Variants in KLRG1 observed in about 807,000 individuals in gnomAD.
The protein encoded by KLRG1 is killer cell lectin like receptor G1.
A neutral mutation model predicts 21.8 loss-of-function variants in KLRG1; 16 were observed. That is an observed-to-expected ratio of 0.73 (90% CI 0.50 to 1.11). KLRG1 has a LOEUF of 1.11. Ranked by LOEUF, KLRG1 falls within the 50% of genes most tolerant of loss-of-function variation. The pLI is 0.00. For synonymous variants in KLRG1, 69 were observed against 75.9 expected (o/e 0.91, Z 0.47); for missense variants, 173 against 218.3 (o/e 0.79, Z 1.31).
chr12:9,071,332 T>A, the KLRG1 span, among the ~76,000 whole-genome samples: 2 of 152,174 alleles, frequency 1.3e-5, no homozygotes, highest in African/African-American at 4.8e-5. Context: ...AACAAAACAC[T>A]TAGAAACACC....
chr12:9,011,621 C>A (rs186453622), downstream of KLRG1, among the ~76,000 whole-genome samples: 1 of 152,280 alleles, frequency 6.6e-6, no homozygotes, highest in Admixed American at 6.5e-5. Context: ...ACAAATGGAA[C>A]AATTATCCGC....
the KLRG1 span, among the ~76,000 whole-genome samples, chr12:9,050,515 C>G: frequency 3.3e-5 from 5 of 152,226 alleles, no homozygotes; most frequent in African/African-American, 4.8e-5. Context: ...CAAACCTCAG[C>G]TGCAGACCCA....
chr12:9,129,265 G>A, the KLRG1 span, among the ~76,000 whole-genome samples: 1 of 152,050 alleles, frequency 6.6e-6, no homozygotes, highest in Non-Finnish European at 1.5e-5. Context: ...ATCACTAGTT[G>A]ATGATACATT....
the KLRG1 span, among the ~76,000 whole-genome samples, chr12:9,085,601 G>C: frequency 6.6e-6 from 1 of 151,762 alleles, no homozygotes; most frequent in South Asian, 2.1e-4. Context: ...AGAGAAGTAG[G>C]AAAAGAAGAA....
chr12:9,075,873 G>A, the KLRG1 span, among the ~76,000 whole-genome samples: 1 of 152,252 alleles, frequency 6.6e-6, no homozygotes, highest in Admixed American at 6.5e-5. Context: ...CTATGAGAGA[G>A]TTGTACAGTG....
chr12:9,180,490 ACT>A, the KLRG1 span, among the ~76,000 whole-genome samples: 2 of 152,190 alleles, frequency 1.3e-5, no homozygotes, highest in African/African-American at 4.8e-5. Context: ...CTCAGAAATA[ACT>A]CTGCATATCT....
chr12:9,015,451 A>T (rs1337383832), downstream of KLRG1, among the ~76,000 whole-genome samples: 1 of 152,186 alleles, frequency 6.6e-6, no homozygotes, highest in African/African-American at 2.4e-5. Context: ...ATTCAGCAAG[A>T]GGATATAATA....
At chr12:9,184,166 C>T in the KLRG1 span, among the ~76,000 whole-genome samples, 19 of 152,196 alleles carry the variant, frequency 1.2e-4, no homozygotes, top group Non-Finnish European at 2.5e-4. Context: ...CTTGCCACTG[C>T]TGGCAGCGTG....
chr12:8,995,317 G>A (rs751005570), intron 3 of KLRG1, 29 bp downstream of exon 3: 2 of 1,578,760 alleles, frequency 1.3e-6, no homozygotes, highest in Middle Eastern at 2.0e-4. Context: ...AAAATGTAGG[G>A]TTTTTGTTTT....
the KLRG1 span, among the ~76,000 whole-genome samples, chr12:9,133,794 G>A: frequency 2.6e-5 from 4 of 152,086 alleles, no homozygotes; most frequent in African/African-American, 7.2e-5. Flanking sequence ...AGAGAATCAC[G>A]GTGAAAATAG....
the KLRG1 span, among the ~76,000 whole-genome samples, chr12:9,141,238 A>G: frequency 6.6e-6 from 1 of 152,220 alleles, no homozygotes; most frequent in African/African-American, 2.4e-5. Context: ...CCAATAACAT[A>G]TGTATGCAAA....
At chr12:9,200,534 C>T in the KLRG1 span, 2 of 1,022,066 alleles carry the variant, frequency 2.0e-6, no homozygotes, top group Non-Finnish European at 3.0e-6. Flanking sequence ...TAATTTTTCC[C>T]AAAATAACAC....
chr12:8,988,244 G>C (rs373527022), upstream of KLRG1: 122 of 152,264 alleles, frequency 8.0e-4, 1 homozygote, highest in African/African-American at 2.9e-3. Context: ...TTCTGTTTAG[G>C]ATTCATTTTT....
At chr12:9,111,316 C>T in the KLRG1 span, among the ~76,000 whole-genome samples, 4 of 151,984 alleles carry the variant, frequency 2.6e-5, no homozygotes, top group Non-Finnish European at 4.4e-5. Context: ...AAAATCAATA[C>T]GTATAGAATG....
chr12:9,041,530 C>T, the KLRG1 span, among the ~76,000 whole-genome samples: 44 of 152,286 alleles, frequency 2.9e-4, no homozygotes, highest in African/African-American at 1.0e-3. Flanking sequence ...ACTCACTTGA[C>T]CAGCAGAGTG....
the KLRG1 span, among the ~76,000 whole-genome samples, chr12:9,041,347 C>CA: frequency 2.0e-5 from 3 of 151,952 alleles, no homozygotes; most frequent in African/African-American, 4.8e-5. Flanking sequence ...AACAAACAAA[C>CA]AAAAAAACAA....
chr12:9,095,705 A>T, the KLRG1 span: 1 of 1,554,360 alleles, frequency 6.4e-7, no homozygotes, highest in Non-Finnish European at 8.7e-7. Context: ...GTAAACCTGT[A>T]CAAATACGAA....
the KLRG1 span, chr12:9,101,730 T>C: frequency 1.5e-6 from 2 of 1,379,222 alleles, no homozygotes; most frequent in Non-Finnish European, 2.0e-6. Context: ...AAGATTAATG[T>C]TCTCACAAAA....
the KLRG1 span, chr12:9,157,721 A>G: frequency 6.4e-7 from 1 of 1,558,208 alleles, no homozygotes; most frequent in Non-Finnish European, 8.9e-7. Flanking sequence ...CCAGACAGCA[A>G]ATCTACAGTT....
Sources: gnomAD v4.1 joint callset for allele counts (sites outside exome capture counted in the v4.1 genomes callset) on GRCh38, gnomAD v4.1.1 for gene constraint, MANE v1.5 for transcripts, NCBI Gene and HGNC (gene_info 2026-07-23, HGNC 2026-07-21) for gene names.